Variants in USP10 observed in about 807,000 individuals in gnomAD.
The protein encoded by USP10 is ubiquitin carboxyl-terminal hydrolase 10.
Under a neutral mutation model 84.5 loss-of-function variants are expected in USP10, and 22 were observed. The ratio of observed to expected loss-of-function variants is 0.26; its 90% CI spans 0.19 to 0.37. The LOEUF (loss-of-function observed/expected upper bound fraction) is 0.37. Among genes scored for constraint, USP10 ranks in the 10% least tolerant of loss-of-function variants. USP10 has a pLI of 1.00. For synonymous variants in USP10, 454 were observed against 387.6 expected, an observed-to-expected ratio of 1.17 and a Z score of -2.01; for missense variants, 1,019 against 998.9, an observed-to-expected ratio of 1.02 and a Z score of -0.27.
At chr16:84,700,257 GA>G in intron 1 of USP10, 146 bp downstream of exon 1, 1 of 650,098 alleles carries the variant, frequency 1.5e-6, no homozygotes, top group South Asian at 7.1e-5. Context: ...GCCTAGGCCG[GA>G]GCCACCCGCC....
chr16:84,753,511 A>C (rs1332201353), intron 4 of USP10, among the ~76,000 whole-genome samples: 1 of 152,062 alleles, frequency 6.6e-6, no homozygotes, highest in Non-Finnish European at 1.5e-5. Context: ...ATGCGTGCTC[A>C]TCTTTGCTAT....
intron 1 of USP10, among the ~76,000 whole-genome samples, chr16:84,700,684 G>A (rs1904748218): frequency 6.6e-6 from 1 of 152,194 alleles, no homozygotes. Flanking sequence ...CTGTTGCAAA[G>A]AAAACTCGAA....
intron 2 of USP10, among the ~76,000 whole-genome samples, chr16:84,734,897 G>A (rs550176119): frequency 7.2e-5 from 11 of 152,256 alleles, no homozygotes; most frequent in Admixed American, 5.9e-4. Context: ...TTGGGAACTC[G>A]GCCCTTAGCT....
At chr16:84,742,230 C>T (rs551776200) in intron 3 of USP10, among the ~76,000 whole-genome samples, 3 of 152,296 alleles carry the variant, frequency 2.0e-5, no homozygotes, top group Admixed American at 2.0e-4. Flanking sequence ...GTTCCTAAAG[C>T]TTGAGATACC....
intron 1 of USP10, among the ~76,000 whole-genome samples, chr16:84,703,297 A>C (rs1366588545): frequency 2.6e-5 from 4 of 152,150 alleles, no homozygotes; most frequent in Non-Finnish European, 5.9e-5. Context: ...ACACCGAAAA[A>C]ATATTTGTGA....
chr16:84,723,508 C>T (rs1280255727), intron 1 of USP10, among the ~76,000 whole-genome samples: 2 of 152,114 alleles, frequency 1.3e-5, no homozygotes, highest in African/African-American at 4.8e-5. Context: ...CCCACTGACG[C>T]CTGGGAAGTC....
Position 84,758,764 on chromosome 16 carries a change from C to A in USP10, c.1241C>A (p.Pro414His). ...TLIHKPVSLQ[P>H]RGLINKGNWC... ...ATCCATAAACCAGTGTCGTTGCAACCCCGTGGGCTGATCAATAAAGGGAAC... is the reference window on the plus strand; with the variant it reads ...ATCCATAAACCAGTGTCGTTGCAACACCGTGGGCTGATCAATAAAGGGAAC... The change falls in exon 5 of 14, where the codon CCC becomes CAC. Residue 414 changes from proline to histidine, a missense_variant. Transcript: ENST00000219473. The A allele has an allele frequency of 6.2e-7, 1 of 1,613,928 alleles. No homozygotes were observed. The highest frequency in any genetic ancestry group is 8.5e-7 in the Non-Finnish European group (1 of 1,179,814).
chr16:84,779,356 A>G lies in USP10; in HGVS notation c.*274A>G. The G allele has an allele frequency of 3.6e-6, 1 of 274,850 alleles. No individual in the cohort carries two copies. The highest frequency in any genetic ancestry group is 6.8e-6 in the Non-Finnish European group (1 of 146,160). 17.0% of individuals were successfully genotyped at this position (274,850 alleles called of 1,614,324 possible). A position where few individuals can be genotyped will look rare whatever the true frequency, so the allele number is the denominator to read the frequency against. ...ATTTCTGAAATAATGCTGATTCCTG[A>G]GATAAGAAAGTGGATTTGATCCCCA... On this transcript the variant is annotated 3_prime_UTR_variant, in exon 14 of 14. Coordinates refer to ENST00000219473, the MANE Select transcript of USP10 (RefSeq NM_005153.3).
chr16:84,734,718 C>A (rs555818721), intron 2 of USP10, among the ~76,000 whole-genome samples: 1 of 152,262 alleles, frequency 6.6e-6, no homozygotes, highest in South Asian at 2.1e-4. Context: ...TTCTTCCCAT[C>A]CTTTAGATAA....
chr16:84,774,499 C>CTTCGAGACAGAGTA (rs1432940220), intron 12 of USP10, among the ~76,000 whole-genome samples: 1 of 147,970 alleles, frequency 6.8e-6, no homozygotes, highest in African/African-American at 2.5e-5. Context: ...TTGTTTTTTT[C>CTTCGAGACAGAGTA]TTGCTCTGTC....
chr16:84,769,599 G>A (rs1914214564), intron 11 of USP10, among the ~76,000 whole-genome samples: 1 of 152,128 alleles, frequency 6.6e-6, no homozygotes, highest in Non-Finnish European at 1.5e-5. Context: ...GTGACTGTCG[G>A]CTTGGCTCAC....
chr16:84,755,931 A>G (rs1210264017), intron 4 of USP10, among the ~76,000 whole-genome samples: 1 of 152,194 alleles, frequency 6.6e-6, no homozygotes, highest in African/African-American at 2.4e-5. Context: ...TAACCTGCTC[A>G]TCTGTTGTAT....
At chr16:84,775,047 C>T (rs557209403) in intron 12 of USP10, 113 bp from the exon 13 acceptor site, 3 of 881,866 alleles carry the variant, frequency 3.4e-6, no homozygotes, top group African/African-American at 3.3e-5. Flanking sequence ...TTGTTTTGTT[C>T]CTGGTCTGAC....
intron 1 of USP10, among the ~76,000 whole-genome samples, chr16:84,725,853 A>G (rs546263361): frequency 3.9e-5 from 6 of 152,336 alleles, no homozygotes; most frequent in South Asian, 4.1e-4. Context: ...CAAACAGTCT[A>G]TTGCTCTTTT....
intron 1 of USP10, among the ~76,000 whole-genome samples, chr16:84,725,005 G>A (rs1181760771): frequency 6.6e-6 from 1 of 152,194 alleles, no homozygotes; most frequent in East Asian, 1.9e-4. Flanking sequence ...TTTGATATAA[G>A]TACTGACCTT....
chr16:84,700,014 G>T lies in USP10; in HGVS notation c.-77G>T, dbSNP rs1904622688. 7.7e-7 allele frequency: 1 copy of T among 1,300,874 alleles called. No homozygotes were observed. Among genetic ancestry groups the T allele is most frequent in the Non-Finnish European group, 1.0e-6 (1 of 995,376 alleles). 80.6% of individuals were successfully genotyped at this position (1,300,874 alleles called of 1,614,324 possible). The stretch of plus-strand genomic sequence containing the variant: ...GCGGCCGATGCGAGTGTGTATGTGC[G>T]GGCGAGAAGATGGCGGCGGCGGGGG... On this transcript the variant is annotated 5_prime_UTR_variant, in exon 1 of 14. Coordinates refer to ENST00000219473, the MANE Select transcript of USP10 (RefSeq NM_005153.3).
chr16:84,768,781 G>A (rs1567648699), intron 11 of USP10, among the ~76,000 whole-genome samples: 1 of 152,156 alleles, frequency 6.6e-6, no homozygotes, highest in Non-Finnish European at 1.5e-5. Context: ...AGATCTTCCA[G>A]GTCATTGTAA....
chr16:84,750,465 G>A (rs1005060205), intron 4 of USP10, among the ~76,000 whole-genome samples: 1 of 151,684 alleles, frequency 6.6e-6, no homozygotes, highest in Admixed American at 6.6e-5. Flanking sequence ...TGCAAAACGC[G>A]ACACCCTTGT....
chr16:84,715,204 A>G (rs1906855155), intron 1 of USP10, among the ~76,000 whole-genome samples: 1 of 152,180 alleles, frequency 6.6e-6, no homozygotes, highest in African/African-American at 2.4e-5. Flanking sequence ...TGCTTGGATT[A>G]CAGGCGTGAG....
Sources: allele counts gnomAD v4.1 joint callset (sites outside exome capture counted in the v4.1 genomes callset), GRCh38; gene constraint gnomAD v4.1.1; transcripts MANE v1.5; gene names NCBI Gene and HGNC (gene_info 2026-07-23, HGNC 2026-07-21).